LRP1B: variants seen among roughly 807,000 people sequenced by gnomAD.
The protein encoded by LRP1B is low-density lipoprotein receptor-related protein 1B.
A neutral mutation model predicts 556.6 loss-of-function variants in LRP1B; 217 were observed. The observed-to-expected ratio is 0.39, with a 90% CI of 0.35 to 0.44. LRP1B has a LOEUF of 0.44. LRP1B is among the 20% of genes least tolerant of loss of function. The pLI, the probability that LRP1B is intolerant of heterozygous loss-of-function variation, is 1.00. For synonymous variants in LRP1B, 2,047 were observed against 1,865.8 expected, an observed-to-expected ratio of 1.10 and a Z score of -2.50; for missense variants, 5,053 against 5,620.8, an observed-to-expected ratio of 0.90 and a Z score of 3.23.
intron 20 of LRP1B, among the ~76,000 whole-genome samples, chr2:140,924,448 T>C (rs1694829133): frequency 6.6e-6 from 1 of 152,088 alleles, no homozygotes; most frequent in African/African-American, 2.4e-5. Flanking sequence ...GCAATTATAA[T>C]CTGTCAGGTG....
At chr2:140,567,852 C>T (rs770325597) in intron 43 of LRP1B, among the ~76,000 whole-genome samples, 32 of 152,184 alleles carry the variant, frequency 2.1e-4, no homozygotes, top group Non-Finnish European at 3.7e-4. Context: ...TTGAGACACT[C>T]ATAGTTATTA....
chr2:140,553,761 G>C (rs1680631955), intron 43 of LRP1B, among the ~76,000 whole-genome samples: 1 of 151,990 alleles, frequency 6.6e-6, no homozygotes, highest in African/African-American at 2.4e-5. Flanking sequence ...CCCTGGAGCT[G>C]TACATCCTTA....
In LRP1B at chr2:140,982,281, G is replaced by A. The variant is rs2105343985; in HGVS notation, c.2771-5C>T. ...GGTCTACCTGGCATGTTCTGGCTAT[G>A]ATGATCAATTAATAAACAAAAAATC... On this transcript the variant is annotated splice_polypyrimidine_tract_variant and splice_region_variant and intron_variant, in intron 17 of 90. Transcript: ENST00000389484. The A allele has an allele frequency of 6.3e-7, 1 of 1,594,926 alleles. No homozygotes were observed. Among genetic ancestry groups the A allele is most frequent in the Non-Finnish European group, 8.6e-7 (1 of 1,163,464 alleles).
intron 3 of LRP1B, among the ~76,000 whole-genome samples, chr2:141,352,706 T>C (rs1040206382): frequency 6.6e-6 from 1 of 151,968 alleles, no homozygotes; most frequent in African/African-American, 2.4e-5. Flanking sequence ...TGTTACAATT[T>C]ACACTAGGAC....
chr2:140,791,565 G>T (rs1690121539), intron 32 of LRP1B, among the ~76,000 whole-genome samples: 1 of 152,108 alleles, frequency 6.6e-6, no homozygotes, highest in Non-Finnish European at 1.5e-5. Context: ...TGATAGAATG[G>T]CAATCTCTGC....
intron 59 of LRP1B, among the ~76,000 whole-genome samples, chr2:140,480,349 A>G (rs1688179994): frequency 6.6e-6 from 1 of 152,190 alleles, no homozygotes; most frequent in Non-Finnish European, 1.5e-5. Context: ...CATTATCCAT[A>G]TTGGCAATAA....
chr2:140,786,954 G>A (rs188317276), intron 32 of LRP1B, among the ~76,000 whole-genome samples: 17 of 152,082 alleles, frequency 1.1e-4, no homozygotes, highest in Admixed American at 1.1e-3. Flanking sequence ...CTGCTTGCTG[G>A]GATATTTAGA....
chr2:141,085,033 GT>G (rs766500407), intron 7 of LRP1B, among the ~76,000 whole-genome samples: 1 of 151,218 alleles, frequency 6.6e-6, no homozygotes, highest in Non-Finnish European at 1.5e-5. Context: ...TATACTGAAA[GT>G]TTTCAAACCT....
chr2:141,020,180 T>A (rs2105397605), intron 11 of LRP1B, 78 bp from the exon 12 acceptor site: 1 of 896,956 alleles, frequency 1.1e-6, no homozygotes, highest in Non-Finnish European at 1.6e-6. Context: ...AATAGCTACC[T>A]AATAAAAACT....
intron 7 of LRP1B, among the ~76,000 whole-genome samples, chr2:141,142,769 A>G (rs1241591238): frequency 1.3e-5 from 2 of 151,978 alleles, no homozygotes; most frequent in Non-Finnish European, 2.9e-5. Flanking sequence ...CTTCTCCTAC[A>G]TTTTACTTAT....
intron 3 of LRP1B, among the ~76,000 whole-genome samples, chr2:141,269,670 C>T (rs1685014618): frequency 6.6e-6 from 1 of 152,116 alleles, no homozygotes; most frequent in Non-Finnish European, 1.5e-5. Flanking sequence ...ATAAACCCCA[C>T]TGTGGAAGGA....
intron 17 of LRP1B, among the ~76,000 whole-genome samples, chr2:140,988,552 G>A (rs1339983418): frequency 1.3e-5 from 2 of 151,678 alleles, no homozygotes; most frequent in Admixed American, 1.3e-4. Flanking sequence ...TACTCTTACC[G>A]TGCTGGAAAA....
At chr2:141,158,607 A>G (rs1381404841) in intron 7 of LRP1B, among the ~76,000 whole-genome samples, 1 of 152,158 alleles carries the variant, frequency 6.6e-6, no homozygotes, top group Non-Finnish European at 1.5e-5. Flanking sequence ...TTAAGTATAT[A>G]CAAAGGTAAT....
chr2:140,661,868 CA>C (rs1024889445), intron 41 of LRP1B, among the ~76,000 whole-genome samples: 1 of 151,666 alleles, frequency 6.6e-6, no homozygotes, highest in Non-Finnish European at 1.5e-5. Flanking sequence ...GTGATACACA[CA>C]AAAAAGTTTA....
intron 83 of LRP1B, among the ~76,000 whole-genome samples, chr2:140,302,037 A>G (rs1360427552): frequency 6.6e-6 from 1 of 152,000 alleles, no homozygotes; most frequent in Non-Finnish European, 1.5e-5. Flanking sequence ...TGATTACACA[A>G]TGTTGGCTAA....
At chr2:141,455,304 C>G (rs1681589539) in intron 3 of LRP1B, among the ~76,000 whole-genome samples, 1 of 151,490 alleles carries the variant, frequency 6.6e-6, no homozygotes, top group Admixed American at 6.6e-5. Flanking sequence ...TTACATATCT[C>G]CCTACAAGTT....
intron 8 of LRP1B, among the ~76,000 whole-genome samples, chr2:141,059,272 G>A (rs984540918): frequency 2.0e-5 from 3 of 151,732 alleles, no homozygotes; most frequent in African/African-American, 4.8e-5. Flanking sequence ...AGTTCCAAAT[G>A]TAGGGACAGA....
rs139269140 is a variant in LRP1B at position 140,365,838 on chromosome 2, A to C, written c.11009-1055T>G. Among the ~76,000 whole-genome samples, 846 of 151,802 alleles carry C rather than the reference A, an allele frequency of 5.6e-3. 2 individuals are homozygous for C. The highest frequency in any genetic ancestry group is 0.014 in the Middle Eastern group (4 of 294). On this transcript the variant is annotated intron_variant, in intron 71 of 90. Transcript: ENST00000389484. ...GGTATTAACATATTTAAACACACAT[A>C]CATTTACCAAAATATGAGGCAGAGC... is the stretch of plus-strand genomic sequence containing the variant.
chr2:141,467,136 A>G (rs1392357780), intron 3 of LRP1B, among the ~76,000 whole-genome samples: 5 of 45,298 alleles, frequency 1.1e-4, no homozygotes, highest in Non-Finnish European at 2.5e-4. Context: ...ATATATATAT[A>G]TATATATATA....
Sources: allele counts gnomAD v4.1 joint callset (sites outside exome capture counted in the v4.1 genomes callset), GRCh38; gene constraint gnomAD v4.1.1; transcripts MANE v1.5; gene names NCBI Gene and HGNC (gene_info 2026-07-23, HGNC 2026-07-21).